TENM4: variants seen among roughly 807,000 people sequenced by gnomAD.
TENM4 encodes the protein teneurin transmembrane protein 4.
Under a neutral mutation model 243.3 loss-of-function variants are expected in TENM4, and 82 were observed. That is an observed-to-expected ratio of 0.34 (90% CI 0.28 to 0.40). The LOEUF (loss-of-function observed/expected upper bound fraction) is 0.40. Among genes scored for constraint, TENM4 ranks in the 10% least tolerant of loss-of-function variants. TENM4 has a pLI of 1.00. For synonymous variants in TENM4, 1,412 were observed against 1,456.3 expected (o/e 0.97, Z 0.69); for missense variants, 3,138 against 3,673.3 (o/e 0.85, Z 3.77).
intron 6 of TENM4, among the ~76,000 whole-genome samples, chr11:78,959,386 T>G (rs140943391): frequency 4.2e-4 from 64 of 152,312 alleles, no homozygotes; most frequent in Middle Eastern, 6.8e-3. Context: ...ATAAAAGCAT[T>G]TATTAGGCCT....
chr11:78,809,460 C>G (rs1565388227), intron 14 of TENM4, among the ~76,000 whole-genome samples: 1 of 152,162 alleles, frequency 6.6e-6, no homozygotes, highest in African/African-American at 2.4e-5. Flanking sequence ...GGGCCAGTAT[C>G]TATGCCACAA....
intron 1 of TENM4, among the ~76,000 whole-genome samples, chr11:79,306,644 CT>C (rs1165976150): frequency 1.1e-4 from 16 of 152,278 alleles, no homozygotes; most frequent in African/African-American, 3.6e-4. Context: ...AACTATGCCC[CT>C]GGTAGTGTGC....
chr11:79,250,793 G>A (rs906236670), intron 2 of TENM4, among the ~76,000 whole-genome samples: 3 of 152,228 alleles, frequency 2.0e-5, no homozygotes, highest in South Asian at 4.1e-4. Flanking sequence ...CTTGCTAGGC[G>A]AAGCTTAAAC....
intron 6 of TENM4, among the ~76,000 whole-genome samples, chr11:78,932,739 A>C (rs1182418140): frequency 3.3e-5 from 5 of 152,084 alleles, no homozygotes; most frequent in Non-Finnish European, 7.4e-5. Context: ...AAACTGTTCC[A>C]CCTCAGATCA....
chr11:79,151,610 G>A (rs1021546219), intron 3 of TENM4, among the ~76,000 whole-genome samples: 4 of 152,056 alleles, frequency 2.6e-5, no homozygotes, highest in African/African-American at 9.7e-5. Context: ...TACTAAACTA[G>A]ATCTGTCCAA....
At chr11:78,950,550 C>T (rs1275791715) in intron 6 of TENM4, among the ~76,000 whole-genome samples, 3 of 152,132 alleles carry the variant, frequency 2.0e-5, no homozygotes, top group Non-Finnish European at 2.9e-5. Flanking sequence ...TGCAAAAATG[C>T]CACTTACTAT....
At chr11:78,741,379 C>A (rs1035084518) in intron 19 of TENM4, among the ~76,000 whole-genome samples, 1 of 151,920 alleles carries the variant, frequency 6.6e-6, no homozygotes, top group African/African-American at 2.4e-5. Flanking sequence ...GGTGTAAATA[C>A]TCTCATCATG....
chr11:79,076,159 C>A (rs1415688002), intron 4 of TENM4, among the ~76,000 whole-genome samples: 1 of 152,136 alleles, frequency 6.6e-6, no homozygotes, highest in Non-Finnish European at 1.5e-5. Flanking sequence ...CCATGAAAGC[C>A]ATAATTATTT....
At chr11:79,289,939 T>G (rs2005459) in intron 2 of TENM4, among the ~76,000 whole-genome samples, 11,640 of 152,030 alleles carry the variant, frequency 0.077, 733 homozygotes, top group African/African-American at 0.17. Flanking sequence ...GGTAAGTTTC[T>G]ACCTTTTTTC....
intron 2 of TENM4, among the ~76,000 whole-genome samples, chr11:79,287,018 C>T (rs562933419): frequency 1.3e-5 from 2 of 152,256 alleles, no homozygotes; most frequent in East Asian, 3.9e-4. Context: ...GGTGAAGGGG[C>T]CAGACCAAGA....
chr11:79,241,389 C>A (rs1864586394), intron 2 of TENM4, among the ~76,000 whole-genome samples: 1 of 152,004 alleles, frequency 6.6e-6, no homozygotes, highest in Non-Finnish European at 1.5e-5. Context: ...CCTCAGCATC[C>A]TGTAGCCTGT....
At chr11:79,368,290 C>T (rs1473988599) in intron 1 of TENM4, among the ~76,000 whole-genome samples, 3 of 152,222 alleles carry the variant, frequency 2.0e-5, no homozygotes, top group Admixed American at 6.5e-5. Context: ...AGTGAAACCA[C>T]GTAGCTTAAA....
chr11:78,729,894 G>C (rs2135871696), intron 21 of TENM4, among the ~76,000 whole-genome samples: 1 of 152,270 alleles, frequency 6.6e-6, no homozygotes, highest in South Asian at 2.1e-4. Flanking sequence ...AAACATGTCA[G>C]AGGACCTGGT....
chr11:79,049,625 G>A (rs1859747051), intron 6 of TENM4, among the ~76,000 whole-genome samples: 1 of 152,226 alleles, frequency 6.6e-6, no homozygotes, highest in African/African-American at 2.4e-5. Context: ...CTAAATGATA[G>A]GAGGGGCTAT....
chr11:78,865,802 G>C (rs1858960590), intron 9 of TENM4, among the ~76,000 whole-genome samples: 1 of 152,158 alleles, frequency 6.6e-6, no homozygotes, highest in Non-Finnish European at 1.5e-5. Context: ...AGGTGTGTGG[G>C]ACCAGAGGAA....
rs779794630 is a variant in TENM4, at chr11:78,708,408, T to C, written c.4162A>G (p.Thr1388Ala). Residue 1388 changes from threonine to alanine, a missense_variant, in exon 27 of 34, where the codon ACA becomes GCA. By Grantham distance (58) the Thr-to-Ala change is moderately conservative. Transcript: ENST00000278550. ...TCACAGCTGAGTGGCCGGGCTGATG[T>C]GAGATCATTAGAGCCGAGCAGGGTG... is the stretch of plus-strand genomic sequence containing the variant. ...ISTLLGSNDL[T>A]SARPLSCDSV... The C allele has an allele frequency of 6.2e-7, 1 of 1,613,888 alleles. No homozygotes were observed. The highest frequency in any genetic ancestry group is 8.5e-7 in the Non-Finnish European group (1 of 1,179,784).
chr11:79,021,639 G>C (rs1312084416), intron 6 of TENM4: 16 of 152,464 alleles, frequency 1.0e-4, no homozygotes, highest in Non-Finnish European at 2.2e-4. Context: ...AAGAGCTTCA[G>C]GAGAAGAAAG....
intron 12 of TENM4, among the ~76,000 whole-genome samples, chr11:78,837,992 AAAATGCC>A (rs1373560959): frequency 6.6e-6 from 1 of 152,214 alleles, no homozygotes; most frequent in African/African-American, 2.4e-5. Flanking sequence ...GGTTTAATAC[AAAATGCC>A]AAATTGCTTT....
intron 3 of TENM4, among the ~76,000 whole-genome samples, chr11:79,181,970 C>T (rs1484808476): frequency 6.7e-6 from 1 of 149,994 alleles, no homozygotes; most frequent in Non-Finnish European, 1.5e-5. Flanking sequence ...AAAAACTGTT[C>T]CACGTTTATA....
Sources: gnomAD v4.1 joint callset for allele counts (sites outside exome capture counted in the v4.1 genomes callset) on GRCh38, gnomAD v4.1.1 for gene constraint, MANE v1.5 for transcripts, NCBI Gene and HGNC (gene_info 2026-07-23, HGNC 2026-07-21) for gene names.